Variants in RIC1 observed in about 807,000 individuals in gnomAD.
The protein encoded by RIC1 is guanine nucleotide exchange factor subunit RIC1.
A neutral mutation model predicts 169.0 loss-of-function variants in RIC1; 88 were observed. That is an observed-to-expected ratio of 0.52 (90% CI 0.44 to 0.62). The LOEUF (loss-of-function observed/expected upper bound fraction) is 0.62, where lower values mean the gene tolerates loss of function less well. Ranked by LOEUF, RIC1 falls within the 20% of genes least tolerant of loss-of-function variation. The pLI is 0.00. For synonymous variants in RIC1, 790 were observed against 601.5 expected, an observed-to-expected ratio of 1.31 and a Z score of -4.59; for missense variants, 1,877 against 1,725.5, an observed-to-expected ratio of 1.09 and a Z score of -1.56.
intron 3 of RIC1, among the ~76,000 whole-genome samples, chr9:5,697,983 TC>T (rs1822003997): frequency 6.6e-6 from 1 of 152,204 alleles, no homozygotes; most frequent in African/African-American, 2.4e-5. Context: ...AGACTTGAGT[TC>T]TATACTTGGG....
At chr9:5,687,805 A>AT (rs1036725071) in intron 2 of RIC1, among the ~76,000 whole-genome samples, 2 of 151,908 alleles carry the variant, frequency 1.3e-5, no homozygotes, top group Non-Finnish European at 2.9e-5. Flanking sequence ...TTAATTAAAT[A>AT]TTTTTTTTCT....
Position 5,772,604 on chromosome 9 carries a change from AAGT to A in RIC1, c.3660_3662del (p.Ser1222del). 1 of 1,613,680 alleles carries A rather than the reference AAGT, an allele frequency of 6.2e-7. No homozygotes were observed. The highest frequency in any genetic ancestry group is 8.5e-7 in the Non-Finnish European group (1 of 1,179,802). ...TTGGTTCAGCCACAGACTTGACTGA[AAGT>A]AGCTCCATGGTGGATGGCGACTGGA... On this transcript the variant is annotated inframe_deletion, in exon 24 of 26. Coordinates refer to ENST00000414202, the MANE Select transcript of RIC1 (RefSeq NM_020829.4).
Position 5,714,021 on chromosome 9 carries a change from A to T in RIC1, c.440+18A>T. ...ATCATGAGGTACAGTACTTTGGTTA[A>T]ATTTGACATTGTGTGATGACAGTAG... is the stretch of plus-strand genomic sequence containing the variant. On this transcript the variant is annotated intron_variant, in intron 4 of 25. Transcript: ENST00000414202. 1 of 1,527,578 alleles carries T rather than the reference A, an allele frequency of 6.5e-7. No individual in the cohort carries two copies. The highest frequency in any genetic ancestry group is 9.0e-7 in the Non-Finnish European group (1 of 1,105,474). The allele number at this position is 1,527,578 out of a possible 1,614,324, so 94.6% of individuals were successfully genotyped here. A position where few individuals can be genotyped will look rare whatever the true frequency, so the allele number is the denominator to read the frequency against.
At chr9:5,751,450 G>T (rs1017600713) in intron 12 of RIC1, among the ~76,000 whole-genome samples, 1 of 151,748 alleles carries the variant, frequency 6.6e-6, no homozygotes, top group African/African-American at 2.4e-5. Context: ...CCGCCTCCAG[G>T]GTTCAGGTGA....
At chr9:5,631,944 G>C (rs1817734443) in intron 1 of RIC1, among the ~76,000 whole-genome samples, 1 of 152,302 alleles carries the variant, frequency 6.6e-6, no homozygotes, top group East Asian at 1.9e-4. Context: ...AGGGCTATCA[G>C]TTATACTTCC....
intron 3 of RIC1, among the ~76,000 whole-genome samples, chr9:5,709,269 G>A (rs1822787312): frequency 6.6e-6 from 1 of 152,144 alleles, no homozygotes; most frequent in African/African-American, 2.4e-5. Flanking sequence ...AACATTTACA[G>A]TGTGTGTTCC....
intron 7 of RIC1, among the ~76,000 whole-genome samples, 176 bp from the exon 8 acceptor site, chr9:5,738,274 G>C (rs1824853468): frequency 6.6e-6 from 1 of 152,164 alleles, no homozygotes; most frequent in Admixed American, 6.5e-5. Context: ...ATCTGGAAGT[G>C]AAATTGCTAG....
intron 1 of RIC1, among the ~76,000 whole-genome samples, chr9:5,631,573 G>T (rs1030883429): frequency 1.3e-5 from 2 of 151,674 alleles, no homozygotes; most frequent in African/African-American, 2.4e-5. Flanking sequence ...TATAGCCCCA[G>T]CTACTCGGGA....
chr9:5,763,969 A>AAT lies in RIC1; in HGVS notation c.2841+101_2841+102insAT. ...CACCATGATTGTGTTTAAGGAATTC[A>AAT]TAGTCAAATTTTCTGTTTATATCTT... On this transcript the variant is annotated intron_variant, in intron 19 of 25. Transcript: ENST00000414202. The surrounding 1 kb of genome is among the most constrained non-coding windows in gnomAD (Gnocchi z 5.2). The AAT allele has an allele frequency of 7.5e-7, 1 of 1,327,018 alleles. No homozygotes were observed. The highest frequency in any genetic ancestry group is 1.0e-6 in the Non-Finnish European group (1 of 971,200). The allele number at this position is 1,327,018 out of a possible 1,614,324, so 82.2% of individuals were successfully genotyped here.
At chr9:5,741,596 GTTC>G (rs763283961) in intron 8 of RIC1, among the ~76,000 whole-genome samples, 2 of 152,062 alleles carry the variant, frequency 1.3e-5, no homozygotes, top group Non-Finnish European at 2.9e-5. Flanking sequence ...TGTCCATCAA[GTTC>G]TTAATTTCAG....
chr9:5,773,888 T>C (rs764107379), intron 25 of RIC1, 70 bp from the exon 26 acceptor site: 56 of 1,370,762 alleles, frequency 4.1e-5, no homozygotes, highest in Middle Eastern at 3.8e-4. Flanking sequence ...TCAGTAGAAG[T>C]TCACCCGTAA....
intron 1 of RIC1, among the ~76,000 whole-genome samples, chr9:5,636,502 T>TA: frequency 6.6e-6 from 1 of 152,212 alleles, no homozygotes; most frequent in South Asian, 2.1e-4. Flanking sequence ...GTATTTTTAG[T>TA]AGAGACAGGG....
downstream of RIC1, among the ~76,000 whole-genome samples, chr9:5,777,206 G>A (rs571410466): frequency 1.3e-5 from 2 of 151,866 alleles, no homozygotes; most frequent in Non-Finnish European, 2.9e-5. Flanking sequence ...ACTTGCTGGA[G>A]TTCTTTATAT....
chr9:5,674,726 G>C (rs1820340778), intron 2 of RIC1, among the ~76,000 whole-genome samples: 1 of 152,120 alleles, frequency 6.6e-6, no homozygotes, highest in South Asian at 2.1e-4. Flanking sequence ...CTTTTCTCTT[G>C]GAACTTGTGG....
In RIC1 at chr9:5,765,462, A is replaced by G. The variant is rs747367497; in HGVS notation, c.2890A>G (p.Asn964Asp). The change falls in exon 20 of 26, where the codon AAC becomes GAC. Residue 964 changes from asparagine (N) to aspartate (D), a missense_variant. By Grantham distance (23) the Asn-to-Asp change is conservative (BLOSUM62 1). Coordinates refer to ENST00000414202, the MANE Select transcript of RIC1 (RefSeq NM_020829.4). Reference protein sequence around the residue: ...VSRQHATLLFNTALEQGKWDL... With the variant: ...VSRQHATLLFDTALEQGKWDL... ...TAGGCAACATGCTACCCTTCTATTC[A>G]ACACAGCACTAGAACAAGGCAAGTG... The G allele has an allele frequency of 1.9e-6, 3 of 1,614,050 alleles. No individual in the cohort carries two copies. Among genetic ancestry groups the G allele is most frequent in the Non-Finnish European group, 2.5e-6 (3 of 1,179,992 alleles).
intron 3 of RIC1, among the ~76,000 whole-genome samples, chr9:5,691,607 G>A (rs989860343): frequency 2.0e-5 from 3 of 151,634 alleles, no homozygotes; most frequent in African/African-American, 7.3e-5. Context: ...CAGTTTTATG[G>A]GTAAAACTGA....
Position 5,763,478 on chromosome 9 carries a change from C to A in RIC1, c.2451C>A (p.Phe817Leu). Residue 817 changes from phenylalanine (F) to leucine (L), a missense_variant, in exon 19 of 26, where the codon TTC (phenylalanine) becomes TTA (leucine). Physicochemically the swap from Phe to Leu is conservative, Grantham distance 22. Around this residue, in one of 3 missense-constraint regions of RIC1, gnomAD observed 1,104 missense variants for 992.0 expected, o/e 1.11. Transcript: ENST00000414202. The surrounding 1 kb of genome is among the most constrained non-coding windows in gnomAD (Gnocchi z 5.2). ...AREQLEVLFP[F>L]CVVERTSQIY... ...AACAGCTGGAGGTGCTCTTCCCTTT[C>A]TGTGTTGTGGAGAGAACCTCTCAGA... 6.2e-7 allele frequency: 1 copy of A among 1,614,194 alleles called. No individual in the cohort carries two copies. The highest frequency in any genetic ancestry group is 8.5e-7 in the Non-Finnish European group (1 of 1,180,022).
At chr9:5,687,098 C>T (rs1340596557) in intron 2 of RIC1, among the ~76,000 whole-genome samples, 1 of 151,950 alleles carries the variant, frequency 6.6e-6, no homozygotes, top group Non-Finnish European at 1.5e-5. Flanking sequence ...GGAATTTGTC[C>T]ATCTCATCCA....
chr9:5,694,476 T>G (rs981714431), intron 3 of RIC1, among the ~76,000 whole-genome samples: 1 of 152,232 alleles, frequency 6.6e-6, no homozygotes, highest in Non-Finnish European at 1.5e-5. Context: ...AAACATCCCG[T>G]GTCTAATTTG....
Sources: gnomAD v4.1 joint callset for allele counts (sites outside exome capture counted in the v4.1 genomes callset) on GRCh38, gnomAD v4.1.1 for gene constraint, gnomAD v4.1.1 regional missense constraint, Gnocchi (gnomAD v3.1) non-coding constraint, MANE v1.5 for transcripts, NCBI Gene and HGNC (gene_info 2026-07-23, HGNC 2026-07-21) for gene names.